CELF2: variants seen among roughly 807,000 people sequenced by gnomAD.
The protein encoded by CELF2 is CUGBP Elav-like family member 2.
Under a neutral mutation model 62.6 loss-of-function variants are expected in CELF2, and 8 were observed. That is an observed-to-expected ratio of 0.13 (90% CI 0.07 to 0.23). The LOEUF is 0.23. CELF2 is among the 10% of genes least tolerant of loss of function. The pLI is 1.00. For synonymous variants in CELF2, 258 were observed against 250.0 expected (o/e 1.03, Z -0.30); for missense variants, 333 against 671.0 (o/e 0.50, Z 5.56).
chr10:10,636,602 A>G, the CELF2 span, among the ~76,000 whole-genome samples: 1 of 152,210 alleles, frequency 6.6e-6, no homozygotes, highest in Non-Finnish European at 1.5e-5. Context: ...CCATCTCCAC[A>G]CACAAACATA....
chr10:10,978,688 C>T (rs79556902), intron 2 of CELF2, among the ~76,000 whole-genome samples: 2,030 of 152,168 alleles, frequency 0.013, 37 homozygotes, highest in African/African-American at 0.046. Flanking sequence ...GGAATGGATA[C>T]GGAGAAGAAT....
intron 1 of CELF2, among the ~76,000 whole-genome samples, chr10:11,143,787 A>G (rs539535064): frequency 1.3e-5 from 2 of 152,376 alleles, no homozygotes; most frequent in African/African-American, 2.4e-5. Flanking sequence ...GTCTCTAGAC[A>G]TATATTTGCA....
In CELF2 at chr10:11,142,083, C is replaced by A. The variant is rs1046361306; in HGVS notation, c.75-23403C>A. 6.6e-5 allele frequency among the ~76,000 whole-genome samples: 10 copies of A among 152,274 alleles called. No individual in the cohort carries two copies. The Middle Eastern group carries it at 0.01, about 155-fold the overall frequency. ...AAGTAATACCTTAACCAGGTAGCTG[C>A]CTGAGATGAAAACATCTGAGATTGC... On this transcript the variant is annotated intron_variant, in intron 1 of 12. Coordinates refer to ENST00000633077, the MANE Select transcript of CELF2 (RefSeq NM_001326342.2).
intron 3 of CELF2, among the ~76,000 whole-genome samples, chr10:11,226,300 A>G (rs2066511617): frequency 1.3e-5 from 2 of 152,262 alleles, no homozygotes; most frequent in Non-Finnish European, 2.9e-5. Flanking sequence ...CTTTACAGGC[A>G]GTTGGGTAGA....
At chr10:11,136,134 T>A (rs1444211705) in intron 1 of CELF2, among the ~76,000 whole-genome samples, 2 of 152,210 alleles carry the variant, frequency 1.3e-5, no homozygotes, top group Non-Finnish European at 2.9e-5. Flanking sequence ...ATTGGAAGGT[T>A]CAGAAAGACA....
At chr10:10,623,084 T>C in the CELF2 span, among the ~76,000 whole-genome samples, 16 of 20,156 alleles carry the variant, frequency 7.9e-4, no homozygotes, top group African/African-American at 3.3e-3. Flanking sequence ...AGACTCCGTC[T>C]CAAAAAAAAA....
the CELF2 span, among the ~76,000 whole-genome samples, chr10:10,700,603 C>A: frequency 6.6e-6 from 1 of 152,168 alleles, no homozygotes; most frequent in Non-Finnish European, 1.5e-5. Flanking sequence ...AATTAATAGA[C>A]TTCTCAAAGT....
At chr10:10,680,361 T>A in the CELF2 span, among the ~76,000 whole-genome samples, 2 of 152,122 alleles carry the variant, frequency 1.3e-5, no homozygotes, top group Non-Finnish European at 2.9e-5. Flanking sequence ...AGTTTTGGTT[T>A]ATTATAGTGA....
rs912637028 is a variant in CELF2, at chr10:11,205,839, T to A, written c.272-11586T>A. 3.3e-5 allele frequency among the ~76,000 whole-genome samples: 5 copies of A among 152,212 alleles called. 1 individual carries two copies. The highest frequency in any genetic ancestry group is 5.9e-5 in the Non-Finnish European group (4 of 68,038). ...TGCCGGAGTGGGGTGAAGACAGTTA[T>A]AACGGCCATAAATATTAGTTCTCCA... On this transcript the variant is annotated intron_variant, in intron 2 of 12. Transcript: ENST00000633077.
chr10:11,323,120 C>T (rs1275173824), intron 11 of CELF2, among the ~76,000 whole-genome samples: 1 of 152,076 alleles, frequency 6.6e-6, no homozygotes, highest in Non-Finnish European at 1.5e-5. Context: ...AGCCCACTGC[C>T]CTCAACTTAC....
At chr10:10,984,297 C>T (rs551370559) in intron 2 of CELF2, among the ~76,000 whole-genome samples, 40 of 152,254 alleles carry the variant, frequency 2.6e-4, no homozygotes, top group South Asian at 8.3e-4. Context: ...TAAAACTAAA[C>T]GAAGTGTTGA....
intron 2 of CELF2, among the ~76,000 whole-genome samples, chr10:11,171,801 G>C (rs1349524879): frequency 6.6e-6 from 1 of 152,134 alleles, no homozygotes; most frequent in East Asian, 1.9e-4. Context: ...GAGTGCTGCT[G>C]GCATGGTCTA....
chr10:11,228,108 A>G (rs2067241364), intron 3 of CELF2, among the ~76,000 whole-genome samples: 1 of 152,256 alleles, frequency 6.6e-6, no homozygotes, highest in African/African-American at 2.4e-5. Flanking sequence ...AGTAAATGTC[A>G]GAACAGTAGT....
chr10:10,753,832 T>A, the CELF2 span, among the ~76,000 whole-genome samples: 2 of 152,132 alleles, frequency 1.3e-5, no homozygotes, highest in African/African-American at 4.8e-5. Flanking sequence ...TACAGATAAT[T>A]CCAGAGCAAA....
chr10:11,201,792 C>T (rs972339449), intron 2 of CELF2, among the ~76,000 whole-genome samples: 1 of 152,202 alleles, frequency 6.6e-6, no homozygotes, highest in African/African-American at 2.4e-5. Flanking sequence ...TGGCTTGGCT[C>T]CAAGAATCCA....
intron 1 of CELF2, among the ~76,000 whole-genome samples, chr10:11,060,106 T>G (rs1277603779): frequency 6.6e-6 from 1 of 152,186 alleles, no homozygotes; most frequent in African/African-American, 2.4e-5. Flanking sequence ...GAATGGAGAT[T>G]ACAGTATTTG....
intron 2 of CELF2, among the ~76,000 whole-genome samples, chr10:11,216,643 C>G (rs2063428267): frequency 6.6e-6 from 1 of 152,316 alleles, no homozygotes; most frequent in South Asian, 2.1e-4. Flanking sequence ...GATTTCCATA[C>G]CGTTTTCTTT....
the CELF2 span, among the ~76,000 whole-genome samples, chr10:10,521,165 G>A: frequency 6.6e-6 from 1 of 152,182 alleles, no homozygotes; most frequent in African/African-American, 2.4e-5. Context: ...CCTGCTGTGT[G>A]ATAGTAAAGG....
chr10:11,185,614 A>G (rs2074659162), intron 2 of CELF2, among the ~76,000 whole-genome samples: 1 of 152,024 alleles, frequency 6.6e-6, no homozygotes, highest in Non-Finnish European at 1.5e-5. Flanking sequence ...GGGTTTCTCC[A>G]TGTTGGTCAA....
Sources: gnomAD v4.1 joint callset for allele counts (sites outside exome capture counted in the v4.1 genomes callset) on GRCh38, gnomAD v4.1.1 for gene constraint, MANE v1.5 for transcripts, NCBI Gene and HGNC (gene_info 2026-07-23, HGNC 2026-07-21) for gene names.